Variants in C6 observed in about 807,000 individuals in gnomAD.
C6 encodes complement C6.
A neutral mutation model predicts 112.9 loss-of-function variants in C6; 101 were observed. That is an observed-to-expected ratio of 0.89 (90% CI 0.76 to 1.06). C6 has a LOEUF of 1.06. Ranked by LOEUF, C6 falls within the 50% of genes least tolerant of loss-of-function variation. The probability of loss-of-function intolerance (pLI) is 0.00; values close to 1 mark genes in which losing one functional copy is unlikely to be tolerated. For synonymous variants in C6, 431 were observed against 384.1 expected, an observed-to-expected ratio of 1.12 and a Z score of -1.43; for missense variants, 1,202 against 1,104.6, an observed-to-expected ratio of 1.09 and a Z score of -1.25.
chr5:41,149,156 G>C lies in C6; in HGVS notation c.2623+85C>G, dbSNP rs191571071. On this transcript the variant is annotated intron_variant, in intron 17 of 17. Transcript: ENST00000337836. ...TGAAAAGGAATTATTTTTGATTAAG[G>C]ATAGGTTATTTTTAAGAAAGATGAT... 9.6e-4 allele frequency: 1,418 copies of C among 1,478,844 alleles called. 10 individuals carry two copies. In the African/African-American group the frequency reaches 0.018, roughly 19 times the overall value. 91.6% of individuals were successfully genotyped at this position (1,478,844 alleles called of 1,614,324 possible).
intron 9 of C6, 76 bp from the exon 10 acceptor site, chr5:41,161,935 T>A: frequency 1.4e-6 from 2 of 1,436,796 alleles, no homozygotes; most frequent in Non-Finnish European, 1.9e-6. Flanking sequence ...AACAAAAACC[T>A]ATTTGTACAG....
At chr5:41,184,457 C>G (rs999775687) in intron 6 of C6, among the ~76,000 whole-genome samples, 5 of 148,484 alleles carry the variant, frequency 3.4e-5, no homozygotes, top group African/African-American at 1.2e-4. Flanking sequence ...CTCCAATAAG[C>G]CTAAATTTTC....
At chr5:41,261,405 A>T in exon 1 of C6, 1 of 165,268 alleles carries the variant, frequency 6.1e-6, no homozygotes, top group Non-Finnish European at 1.3e-5. Context: ...TATGTTGAAG[A>T]CATACAAAAT....
chr5:41,210,972 A>G (rs989022260), intron 1 of C6, among the ~76,000 whole-genome samples: 1 of 152,102 alleles, frequency 6.6e-6, no homozygotes, highest in African/African-American at 2.4e-5. Context: ...CAATAGCAAA[A>G]ACTTGGAACC....
At chr5:41,186,664 A>G (rs4552672) in intron 5 of C6, among the ~76,000 whole-genome samples, 63,522 of 151,772 alleles carry the variant, frequency 0.42, 13,587 homozygotes, top group African/African-American at 0.45. Context: ...AGTTTTACTA[A>G]TAACTGACTA....
chr5:41,170,039 A>G (rs951799234), intron 9 of C6, among the ~76,000 whole-genome samples: 1 of 152,140 alleles, frequency 6.6e-6, no homozygotes, highest in Non-Finnish European at 1.5e-5. Flanking sequence ...TTGAAGTTGC[A>G]TATTTGAACA....
rs1232117730 is a variant in C6, at chr5:41,239,269, G to A, written c.-21+21925C>T. Reference sequence around the variant, plus strand: ...TGGGGTTACAGGCCCGTGCCACCACGCCCAGCTAATTTTTGTAGTTTTAGT... The same window carrying A: ...TGGGGTTACAGGCCCGTGCCACCACACCCAGCTAATTTTTGTAGTTTTAGT... On this transcript the variant is annotated intron_variant, in intron 1 of 17. Coordinates refer to the C6 transcript ENST00000263413. 4.0e-5 allele frequency among the ~76,000 whole-genome samples: 6 copies of A among 151,654 alleles called. No homozygotes were observed. In the South Asian group the frequency reaches 6.2e-4, roughly 16 times the overall value.
Position 41,231,811 on chromosome 5 carries a change from T to C in C6, c.-20-28561A>G, listed in dbSNP as rs1489836750. Among the ~76,000 whole-genome samples the C allele has an allele frequency of 2.0e-5, 3 of 152,196 alleles. No homozygotes were observed. In the East Asian group the frequency reaches 5.8e-4, roughly 29 times the overall value. ...GTAATTTTTTAAAAATGATAGACAC[T>C]GTGTGTGAAAAAATCACATGTTCCT... is the stretch of plus-strand genomic sequence containing the variant. On this transcript the variant is annotated intron_variant, in intron 1 of 17. Transcript: ENST00000263413.
intron 1 of C6, among the ~76,000 whole-genome samples, chr5:41,243,601 T>C (rs1352555133): frequency 1.3e-5 from 2 of 152,198 alleles, no homozygotes; most frequent in Admixed American, 6.5e-5. Flanking sequence ...ATGACTGTTA[T>C]TACTTAGTAT....
At chr5:41,168,481 A>T (rs1655784856) in intron 9 of C6, among the ~76,000 whole-genome samples, 2 of 152,136 alleles carry the variant, frequency 1.3e-5, no homozygotes, top group Admixed American at 1.3e-4. Flanking sequence ...TTTACCAGGG[A>T]CACCTTCTCT....
chr5:41,173,130 G>T (rs1039683328), intron 8 of C6, among the ~76,000 whole-genome samples: 2 of 152,234 alleles, frequency 1.3e-5, no homozygotes, highest in Admixed American at 1.3e-4. Context: ...TCATGTATGG[G>T]AATTGGGAAT....
At chr5:41,199,518 T>A (rs781015964) in intron 4 of C6, among the ~76,000 whole-genome samples, 1 of 152,178 alleles carries the variant, frequency 6.6e-6, no homozygotes, top group African/African-American at 2.4e-5. Context: ...TTAAAATATG[T>A]CATTTCTTTT....
chr5:41,251,788 G>A (rs1388023729), intron 1 of C6, among the ~76,000 whole-genome samples: 1 of 152,194 alleles, frequency 6.6e-6, no homozygotes, highest in Non-Finnish European at 1.5e-5. Context: ...GGGATACTAG[G>A]TAGTTCAGGG....
At chr5:41,237,180 C>G (rs1430552171) in intron 1 of C6, among the ~76,000 whole-genome samples, 1 of 138,002 alleles carries the variant, frequency 7.2e-6, no homozygotes, top group Non-Finnish European at 1.5e-5. Context: ...CCTTCTGAAA[C>G]TTTTCTAATC....
intron 17 of C6, 39 bp downstream of exon 17, chr5:41,149,202 T>C: frequency 1.9e-6 from 3 of 1,611,680 alleles, no homozygotes; most frequent in Non-Finnish European, 2.5e-6. Context: ...AGATGAAGGT[T>C]AAGTGAGAGC....
chr5:41,157,861 C>T (rs1159775805), intron 13 of C6, among the ~76,000 whole-genome samples: 1 of 152,098 alleles, frequency 6.6e-6, no homozygotes, highest in Admixed American at 6.6e-5. Context: ...TATTTCCTCC[C>T]CATAAACTTT....
In C6 at chr5:41,181,838, C is replaced by T. The variant is rs1202956806; in HGVS notation, c.727-279G>A. On this transcript the variant is annotated intron_variant, in intron 6 of 17. Transcript: ENST00000337836. ...ACCCTGAGAGGCAATATCAGGAAAC[C>T]CTCCCTCAAGGAAATGCCACCTAAG... Among the ~76,000 whole-genome samples, 3 of 152,128 alleles carry T rather than the reference C, an allele frequency of 2.0e-5. No homozygotes were observed. In the East Asian group the frequency reaches 5.8e-4, roughly 29 times the overall value.
intron 10 of C6, 31 bp from the exon 11 acceptor site, chr5:41,160,398 T>A: frequency 1.9e-6 from 3 of 1,543,592 alleles, no homozygotes; most frequent in Non-Finnish European, 2.7e-6. Flanking sequence ...GGAGGTCCAG[T>A]CACATCCCCT....
chr5:41,201,606 C>T lies in C6; in HGVS notation c.252G>A (p.Leu84=), dbSNP rs1480409395. The T allele has an allele frequency of 6.2e-7, 1 of 1,613,662 alleles. No homozygotes were observed. The highest frequency in any genetic ancestry group is 8.5e-7 in the Non-Finnish European group (1 of 1,179,894). Residue 84 remains leucine (L), a synonymous_variant, in exon 3 of 18, where the codon CTG becomes CTA. Coordinates refer to ENST00000337836, the MANE Select transcript of C6 (RefSeq NM_000065.5). ...NWQRCPINCL[L]GDFGPWSDCD... is the part of the protein sequence containing the mutation. Reference sequence around the variant, plus strand: ...AGTCTGACCATGGTCCAAAATCTCCCAGGAGGCAGTTGATGGGGCATCTTT... The same window carrying T: ...AGTCTGACCATGGTCCAAAATCTCCTAGGAGGCAGTTGATGGGGCATCTTT...
Sources: gnomAD v4.1 joint callset for allele counts (sites outside exome capture counted in the v4.1 genomes callset) on GRCh38, gnomAD v4.1.1 for gene constraint, MANE v1.5 for transcripts, NCBI Gene and HGNC (gene_info 2026-07-23, HGNC 2026-07-21) for gene names.